HPSE2: variants seen among roughly 807,000 people sequenced by gnomAD.
HPSE2 encodes the protein heparanase 2 (inactive).
A neutral mutation model predicts 60.5 loss-of-function variants in HPSE2; 38 were observed. The ratio of observed to expected loss-of-function variants is 0.63; its 90% CI spans 0.48 to 0.82. The LOEUF is 0.82. Ranked by LOEUF, HPSE2 falls within the 40% of genes least tolerant of loss-of-function variation. The pLI is 0.00. For synonymous variants in HPSE2, 295 were observed against 293.2 expected, an observed-to-expected ratio of 1.01 and a Z score of -0.06; for missense variants, 713 against 740.4, an observed-to-expected ratio of 0.96 and a Z score of 0.43.
intron 3 of HPSE2, among the ~76,000 whole-genome samples, chr10:99,054,734 G>A (rs530779581): frequency 1.5e-4 from 23 of 152,204 alleles, no homozygotes; most frequent in South Asian, 2.1e-4. Context: ...TTTTTGAGAC[G>A]GAGTCTCGCA....
intron 3 of HPSE2, among the ~76,000 whole-genome samples, chr10:98,805,713 T>C (rs1453276253): frequency 6.6e-6 from 1 of 152,210 alleles, no homozygotes; most frequent in Non-Finnish European, 1.5e-5. Context: ...TTTAGGTAAA[T>C]AAATAAGTTG....
intron 3 of HPSE2, among the ~76,000 whole-genome samples, chr10:98,805,488 T>C (rs1420789311): frequency 3.9e-5 from 6 of 152,128 alleles, no homozygotes; most frequent in African/African-American, 1.4e-4. Flanking sequence ...TATATATTTA[T>C]GGGGTACATA....
intron 3 of HPSE2, among the ~76,000 whole-genome samples, chr10:99,004,418 T>C (rs1056443544): frequency 6.6e-6 from 1 of 152,130 alleles, no homozygotes; most frequent in Non-Finnish European, 1.5e-5. Context: ...TGATCTTTGG[T>C]GTATCGATTA....
At chr10:98,936,978 CAAAAAAAAAAA>C (rs1214450704) in intron 3 of HPSE2, among the ~76,000 whole-genome samples, 4 of 31,018 alleles carry the variant, frequency 1.3e-4, no homozygotes, top group Admixed American at 8.6e-4. Context: ...GACTCCATCT[CAAAAAAAAAAA>C]AAAAAAAAAA....
At chr10:98,583,453 C>T (rs1441459267) in intron 9 of HPSE2, among the ~76,000 whole-genome samples, 2 of 152,156 alleles carry the variant, frequency 1.3e-5, no homozygotes, top group African/African-American at 2.4e-5. Flanking sequence ...ACCCAGACAC[C>T]ATCCACTGGT....
At chr10:98,749,328 T>C (rs1247229995) in intron 3 of HPSE2, among the ~76,000 whole-genome samples, 1 of 151,976 alleles carries the variant, frequency 6.6e-6, no homozygotes, top group Non-Finnish European at 1.5e-5. Context: ...GGCACTATTA[T>C]ACACCATATA....
chr10:98,798,071 A>G (rs972809790), intron 3 of HPSE2, among the ~76,000 whole-genome samples: 1 of 152,190 alleles, frequency 6.6e-6, no homozygotes, highest in Admixed American at 6.5e-5. Context: ...CCCTAAAAGC[A>G]GCAAGAGAAA....
intron 6 of HPSE2, among the ~76,000 whole-genome samples, chr10:98,688,004 T>A (rs1003700268): frequency 1.3e-5 from 2 of 152,168 alleles, no homozygotes; most frequent in Non-Finnish European, 2.9e-5. Flanking sequence ...TTTTTCCCAT[T>A]TATTTTTTGT....
intron 2 of HPSE2, among the ~76,000 whole-genome samples, chr10:99,225,223 G>A (rs1262413111): frequency 1.3e-5 from 2 of 151,940 alleles, no homozygotes; most frequent in African/African-American, 2.4e-5. Flanking sequence ...AAAGTTATTG[G>A]CAGACAAATT....
At chr10:98,725,054 C>T (rs999997138) in intron 4 of HPSE2, among the ~76,000 whole-genome samples, 1 of 152,130 alleles carries the variant, frequency 6.6e-6, no homozygotes, top group Admixed American at 6.5e-5. Flanking sequence ...GTGAAAATGG[C>T]CATATTGCCC....
intron 6 of HPSE2, among the ~76,000 whole-genome samples, chr10:98,693,494 T>C (rs952889758): frequency 2.0e-5 from 3 of 152,204 alleles, no homozygotes; most frequent in African/African-American, 7.2e-5. Context: ...GACATTAATA[T>C]AACAAAATGT....
chr10:98,550,544 C>T (rs1472495934), intron 9 of HPSE2, among the ~76,000 whole-genome samples: 2 of 151,784 alleles, frequency 1.3e-5, no homozygotes, highest in Admixed American at 1.3e-4. Context: ...TCTCAGCTCA[C>T]TGCAAGCTCC....
chr10:98,987,041 C>T (rs1956378065), intron 3 of HPSE2, among the ~76,000 whole-genome samples: 1 of 152,062 alleles, frequency 6.6e-6, no homozygotes, highest in Non-Finnish European at 1.5e-5. Context: ...CAGATGGATT[C>T]ACAGCCGAAT....
At chr10:99,141,775 G>A (rs550549398) in intron 3 of HPSE2, among the ~76,000 whole-genome samples, 1 of 152,316 alleles carries the variant, frequency 6.6e-6, no homozygotes, top group African/African-American at 2.4e-5. Context: ...TCAGGTAAAG[G>A]TGGAACATCA....
At position 98,960,705 on chromosome 10, in the gene HPSE2, T is replaced by TC. The variant is rs1276962458; in HGVS notation, c.610+183532_610+183533insG. ...TACAGTTAACTATGTACATTTCTTT[T>TC]TTTTTTTTTTTTTTTGTTTTATTTT... On this transcript the variant is annotated intron_variant, in intron 3 of 11. Transcript: ENST00000370552. Among the ~76,000 whole-genome samples, 203 of 53,748 alleles carry TC rather than the reference T, an allele frequency of 3.8e-3. 3 individuals carry two copies. The highest frequency in any genetic ancestry group is 6.3e-3 in the Non-Finnish European group (170 of 26,948). The allele number at this position is 53,748 out of a possible 152,430, so 35.3% of individuals were successfully genotyped here. A position where few individuals can be genotyped will look rare whatever the true frequency, so the allele number is the denominator to read the frequency against.
intron 3 of HPSE2, among the ~76,000 whole-genome samples, chr10:98,837,599 G>C (rs1951818766): frequency 6.6e-6 from 1 of 152,188 alleles, no homozygotes; most frequent in African/African-American, 2.4e-5. Flanking sequence ...CTCCGGCCGG[G>C]CGTGGTGGCT....
At chr10:99,039,043 G>A (rs1018233919) in intron 3 of HPSE2, among the ~76,000 whole-genome samples, 3 of 152,082 alleles carry the variant, frequency 2.0e-5, no homozygotes, top group African/African-American at 4.8e-5. Flanking sequence ...TCAGTCTTCA[G>A]AGGGCGCGTA....
chr10:98,909,119 T>TTC (rs1198902229), intron 3 of HPSE2, among the ~76,000 whole-genome samples: 1 of 152,122 alleles, frequency 6.6e-6, no homozygotes, highest in Non-Finnish European at 1.5e-5. Context: ...ATATCCTGGG[T>TTC]TCCTGACGCT....
At chr10:98,913,358 A>G (rs1954033020) in intron 3 of HPSE2, among the ~76,000 whole-genome samples, 1 of 152,230 alleles carries the variant, frequency 6.6e-6, no homozygotes, top group African/African-American at 2.4e-5. Flanking sequence ...AAGTCAATCA[A>G]CACTTTATTT....
Sources: gnomAD v4.1 joint callset for allele counts (sites outside exome capture counted in the v4.1 genomes callset) on GRCh38, gnomAD v4.1.1 for gene constraint, MANE v1.5 for transcripts, NCBI Gene and HGNC (gene_info 2026-07-23, HGNC 2026-07-21) for gene names.